Variants in CDCA7L observed in about 807,000 individuals in gnomAD.
CDCA7L encodes cell division cycle-associated 7-like protein.
In CDCA7L, 44 loss-of-function variants were observed where a neutral mutation model predicts 57.4. That is an observed-to-expected ratio of 0.77 (90% CI 0.60 to 0.98). The LOEUF is 0.98. Among genes scored for constraint, CDCA7L ranks in the 50% least tolerant of loss-of-function variants. The pLI, the probability that CDCA7L is intolerant of heterozygous loss-of-function variation, is 0.00. For missense variants in CDCA7L, 644 were observed against 580.6 expected (o/e 1.11, Z -1.12); for synonymous variants, 236 against 202.8 (o/e 1.16, Z -1.39).
At position 21,906,485 on chromosome 7, in the gene CDCA7L, C is replaced by A. The variant is rs772929155; in HGVS notation, c.754-29G>T. ...AAATCAAGAGCACAGACAGAGACAA[C>A]TGGGGACTCTCTCGAATAAAAGCCG... On this transcript the variant is annotated intron_variant, in intron 5 of 9. Coordinates refer to ENST00000406877, the MANE Select transcript of CDCA7L (RefSeq NM_018719.5). 5 of 1,611,154 alleles carry A rather than the reference C, an allele frequency of 3.1e-6. No individual in the cohort carries two copies. The East Asian group carries it at 1.1e-4, about 36-fold the overall frequency.
intron 1 of CDCA7L, among the ~76,000 whole-genome samples, chr7:21,925,286 A>G (rs1785788363): frequency 6.6e-6 from 1 of 152,212 alleles, no homozygotes; most frequent in African/African-American, 2.4e-5. Context: ...CCTACCTAGT[A>G]ATGAAAAGAA....
At chr7:21,928,519 A>G (rs1179881349) in intron 1 of CDCA7L, among the ~76,000 whole-genome samples, 1 of 152,090 alleles carries the variant, frequency 6.6e-6, no homozygotes, top group Non-Finnish European at 1.5e-5. Flanking sequence ...CTAAAGAAGC[A>G]TGTTCTAACT....
chr7:21,932,353 A>G (rs556987499), intron 1 of CDCA7L, among the ~76,000 whole-genome samples: 73 of 152,298 alleles, frequency 4.8e-4, no homozygotes, highest in African/African-American at 1.7e-3. Flanking sequence ...AGACAATCCT[A>G]AGCAAAAAGA....
At chr7:21,902,826 T>TTCCAATGCAAACAGATACAGAATGGA (rs1784973496) in intron 9 of CDCA7L, 152 bp downstream of exon 9, 2 of 682,632 alleles carry the variant, frequency 2.9e-6, no homozygotes, top group East Asian at 5.4e-5. Context: ...GCCTGAGCTT[T>TTCCAATGCAAACAGATACAGAATGGA]TCCAATGCAA....
chr7:21,939,115 T>C lies in CDCA7L; in HGVS notation c.24+6666A>G, dbSNP rs529189310. Among the ~76,000 whole-genome samples, 8 of 152,268 alleles carry C rather than the reference T, an allele frequency of 5.3e-5. No homozygotes were observed. In the East Asian group the frequency reaches 1.3e-3, roughly 26 times the overall value. Reference sequence around the variant, plus strand: ...CAGTGACAAAAGGACAAATACCATATGATTCCACTCATATGAGATACCTAG... The same window carrying C: ...CAGTGACAAAAGGACAAATACCATACGATTCCACTCATATGAGATACCTAG... On this transcript the variant is annotated intron_variant, in intron 1 of 9. Coordinates refer to ENST00000406877, the MANE Select transcript of CDCA7L (RefSeq NM_018719.5).
Position 21,936,380 on chromosome 7 carries a change from A to C in CDCA7L, c.24+9401T>G, listed in dbSNP as rs537221083. The stretch of plus-strand genomic sequence containing the variant: ...AGCCAGAGAAAGATACTAGAAAACT[A>C]TACAGCCATATCTCTTACGAATACT... On this transcript the variant is annotated intron_variant, in intron 1 of 9. Coordinates refer to ENST00000406877, the MANE Select transcript of CDCA7L (RefSeq NM_018719.5). 6.6e-5 allele frequency among the ~76,000 whole-genome samples: 10 copies of C among 152,324 alleles called. No homozygotes were observed. The South Asian group carries it at 1.2e-3, about 19-fold the overall frequency.
At chr7:21,903,998 A>G in intron 8 of CDCA7L, 112 bp downstream of exon 8, 1 of 1,045,074 alleles carries the variant, frequency 9.6e-7, no homozygotes, top group East Asian at 3.0e-5. Flanking sequence ...ATGGAAGGGA[A>G]AAACCAGAGT....
chr7:21,931,732 C>G (rs546159948), intron 1 of CDCA7L, among the ~76,000 whole-genome samples: 12 of 152,298 alleles, frequency 7.9e-5, no homozygotes, highest in Non-Finnish European at 1.3e-4. Flanking sequence ...CAAGGATGCT[C>G]TCTCTCACCA....
In CDCA7L at chr7:21,906,615, T is replaced by C. The variant is rs1302003238; in HGVS notation, c.706A>G (p.Asn236Asp). The C allele has an allele frequency of 1.9e-6, 3 of 1,614,036 alleles. No homozygotes were observed. The highest frequency in any genetic ancestry group is 2.5e-6 in the Non-Finnish European group (3 of 1,180,030). The change falls in exon 5 of 10, where the codon AAC becomes GAC. Residue 236 changes from asparagine (N) to aspartate (D), a missense_variant. By Grantham distance (23) the Asn-to-Asp change is conservative (BLOSUM62 1). Coordinates refer to ENST00000406877, the MANE Select transcript of CDCA7L (RefSeq NM_018719.5). ...AMLAQLLAEL[N>D]SMPDFFPVRT... Reference sequence around the variant, plus strand: ...ACTGGGAAGAAATCTGGCATCGAGTTCAATTCCGCCAATAACTGGGCAAGC... The same window carrying C: ...ACTGGGAAGAAATCTGGCATCGAGTCCAATTCCGCCAATAACTGGGCAAGC...
chr7:21,912,634 G>A (rs1054724125), intron 2 of CDCA7L, among the ~76,000 whole-genome samples: 1 of 152,162 alleles, frequency 6.6e-6, no homozygotes, highest in African/African-American at 2.4e-5. Flanking sequence ...GAGCTTCTCT[G>A]TAGGAAAAGG....
intron 3 of CDCA7L, among the ~76,000 whole-genome samples, chr7:21,908,817 A>AG (rs568551354): frequency 7.2e-5 from 11 of 152,314 alleles, no homozygotes; most frequent in African/African-American, 2.6e-4. Context: ...TGGGACAACC[A>AG]GGGAGCACCA....
intron 1 of CDCA7L, among the ~76,000 whole-genome samples, chr7:21,931,639 C>T (rs1583872037): frequency 1.3e-5 from 2 of 152,220 alleles, no homozygotes; most frequent in African/African-American, 4.8e-5. Context: ...AAAATAATAA[C>T]AGCTATTTAT....
At chr7:21,917,006 GC>G in intron 1 of CDCA7L, 112 bp from the exon 2 acceptor site, 1 of 1,246,206 alleles carries the variant, frequency 8.0e-7, no homozygotes, top group East Asian at 2.4e-5. Flanking sequence ...TGCCACGGTT[GC>G]CCAGAAGTCC....
At position 21,945,692 on chromosome 7, in the gene CDCA7L, G is replaced by A. The variant is rs551857096; in HGVS notation, c.24+89C>T. The stretch of plus-strand genomic sequence containing the variant: ...CCCCAGTGCCGCAGCCAAGGGCCAC[G>A]TTTCCAGCCCAAGGCCAGCAGGACC... On this transcript the variant is annotated intron_variant, in intron 1 of 9. Transcript: ENST00000406877. 64 of 1,531,606 alleles carry A rather than the reference G, an allele frequency of 4.2e-5. No individual in the cohort carries two copies. In the Admixed American group the frequency reaches 7.2e-4, roughly 17 times the overall value. 94.9% of individuals were successfully genotyped at this position (1,531,606 alleles called of 1,614,324 possible).
At chr7:21,916,687 A>G in intron 2 of CDCA7L, 67 bp downstream of exon 2, 1 of 1,453,982 alleles carries the variant, frequency 6.9e-7, no homozygotes, top group Non-Finnish European at 9.6e-7. Context: ...TGTTCAAATA[A>G]AAGAACATCC....
At position 21,901,381 on chromosome 7, in the gene CDCA7L, C is replaced by G. The variant is rs546330292; in HGVS notation, c.*941G>C. 98 of 1,297,386 alleles carry G rather than the reference C, an allele frequency of 7.6e-5. No individual in the cohort carries two copies. The Middle Eastern group carries it at 2.5e-3, about 33-fold the overall frequency. 80.4% of individuals were successfully genotyped at this position (1,297,386 alleles called of 1,614,324 possible). A position where few individuals can be genotyped will look rare whatever the true frequency, so the allele number is the denominator to read the frequency against. On this transcript the variant is annotated 3_prime_UTR_variant, in exon 10 of 10. Transcript: ENST00000406877. Reference sequence around the variant, plus strand: ...TCACACGTGCATTCTTTTTTCAACGCTATCCTTAGAGTGAAAGTCAGAAAA... The same window carrying G: ...TCACACGTGCATTCTTTTTTCAACGGTATCCTTAGAGTGAAAGTCAGAAAA...
chr7:21,909,408 G>C (rs953629549), intron 3 of CDCA7L, among the ~76,000 whole-genome samples: 1 of 152,032 alleles, frequency 6.6e-6, no homozygotes, highest in Non-Finnish European at 1.5e-5. Flanking sequence ...AATCTACCAA[G>C]AACACGGAAT....
chr7:21,909,370 T>C (rs1485393868), intron 3 of CDCA7L, among the ~76,000 whole-genome samples: 1 of 152,038 alleles, frequency 6.6e-6, no homozygotes, highest in Non-Finnish European at 1.5e-5. Flanking sequence ...CTAGAAAACT[T>C]TGGGAACCAT....
chr7:21,913,883 A>G (rs1785404382), intron 2 of CDCA7L, among the ~76,000 whole-genome samples: 1 of 152,162 alleles, frequency 6.6e-6, no homozygotes, highest in Non-Finnish European at 1.5e-5. Context: ...CTTACTCCAA[A>G]GTGTGTAAGT....
Sources: gnomAD v4.1 joint callset for allele counts (sites outside exome capture counted in the v4.1 genomes callset) on GRCh38, gnomAD v4.1.1 for gene constraint, MANE v1.5 for transcripts, NCBI Gene and HGNC (gene_info 2026-07-23, HGNC 2026-07-21) for gene names.